The following CNTN4 variants were observed in gnomAD, a reference collection of about 807,000 sequenced individuals.
CNTN4 encodes the protein contactin 4.
In CNTN4, 77 loss-of-function variants were observed where a neutral mutation model predicts 122.5. The ratio of observed to expected loss-of-function variants is 0.63; its 90% CI spans 0.52 to 0.76. The LOEUF (loss-of-function observed/expected upper bound fraction) is 0.76, where lower values mean the gene tolerates loss of function less well. Ranked by LOEUF, CNTN4 falls within the 30% of genes least tolerant of loss-of-function variation. The probability of loss-of-function intolerance (pLI) is 0.00; values close to 1 mark genes in which losing one functional copy is unlikely to be tolerated. For missense variants in CNTN4, 1,256 were observed against 1,259.1 expected (o/e 1.00, Z 0.04); for synonymous variants, 512 against 447.0 (o/e 1.15, Z -1.83).
intron 3 of CNTN4, among the ~76,000 whole-genome samples, chr3:2,356,712 G>A (rs1400427680): frequency 7.9e-5 from 12 of 152,098 alleles, no homozygotes; most frequent in Non-Finnish European, 1.6e-4. Flanking sequence ...ATTTTACCCA[G>A]CCCCTATTCA....
intron 3 of CNTN4, among the ~76,000 whole-genome samples, chr3:2,524,437 C>G (rs1419644159): frequency 6.6e-6 from 1 of 151,924 alleles, no homozygotes; most frequent in African/African-American, 2.4e-5. Flanking sequence ...GAACAGTGAC[C>G]CTATGAATAA....
intron 4 of CNTN4, among the ~76,000 whole-genome samples, chr3:2,582,632 C>T (rs543587181): frequency 8.5e-5 from 13 of 152,266 alleles, no homozygotes; most frequent in African/African-American, 3.1e-4. Flanking sequence ...TATTGGATTC[C>T]ACCCCAAGAG....
intron 2 of CNTN4, among the ~76,000 whole-genome samples, chr3:2,246,977 C>T (rs1413289930): frequency 3.9e-5 from 6 of 152,004 alleles, no homozygotes; most frequent in African/African-American, 9.6e-5. Flanking sequence ...AGTCTTAGGG[C>T]GTGGATGTGA....
chr3:2,933,601 A>G (rs562406262), intron 13 of CNTN4, among the ~76,000 whole-genome samples: 22 of 152,286 alleles, frequency 1.4e-4, no homozygotes, highest in Admixed American at 1.2e-3. Flanking sequence ...TCACGCTAGT[A>G]AAGGCAAGTT....
rs143502305 is a variant in CNTN4 at position 2,235,719 on chromosome 3, A to G, written c.-144-103459A>G. Among the ~76,000 whole-genome samples, 37 of 152,272 alleles carry G rather than the reference A, an allele frequency of 2.4e-4. No homozygotes were observed. In the Middle Eastern group the frequency reaches 0.01, roughly 42 times the overall value. On this transcript the variant is annotated intron_variant, in intron 2 of 24. Transcript: ENST00000418658. ...TAAATTTTGTTAATTTAGAAGTAAC[A>G]AGAGCATCTAGTATTATGCTTATTC...
chr3:2,452,841 C>T (rs930527558), intron 3 of CNTN4, among the ~76,000 whole-genome samples: 1 of 152,008 alleles, frequency 6.6e-6, no homozygotes, highest in South Asian at 2.1e-4. Context: ...ATATCAAAGC[C>T]CAGCTTGTTA....
intron 4 of CNTN4, among the ~76,000 whole-genome samples, chr3:2,722,866 G>A (rs947352337): frequency 1.3e-5 from 2 of 152,172 alleles, no homozygotes; most frequent in Non-Finnish European, 2.9e-5. Flanking sequence ...CTTTAGGACA[G>A]AATATCCCTT....
intron 14 of CNTN4, among the ~76,000 whole-genome samples, chr3:3,001,142 T>C (rs149564151): frequency 6.6e-6 from 1 of 152,286 alleles, no homozygotes; most frequent in African/African-American, 2.4e-5. Flanking sequence ...AAATCAAATG[T>C]CAGCTTTGCT....
intron 6 of CNTN4, among the ~76,000 whole-genome samples, chr3:2,806,152 C>G (rs7635382): frequency 6.6e-6 from 1 of 151,818 alleles, no homozygotes; most frequent in South Asian, 2.1e-4. Context: ...CCGCCTGCCT[C>G]GGCCTCCCAA....
intron 4 of CNTN4, among the ~76,000 whole-genome samples, chr3:2,686,842 C>T (rs1449015967): frequency 6.6e-6 from 1 of 152,136 alleles, no homozygotes; most frequent in Non-Finnish European, 1.5e-5. Context: ...GACATCTGCC[C>T]ACTCTGGGTT....
At chr3:3,023,130 A>C (rs1225511000) in intron 14 of CNTN4, among the ~76,000 whole-genome samples, 2 of 152,182 alleles carry the variant, frequency 1.3e-5, no homozygotes, top group Non-Finnish European at 2.9e-5. Flanking sequence ...AAACATCAAA[A>C]TTCACAACAC....
intron 2 of CNTN4, among the ~76,000 whole-genome samples, chr3:2,176,998 A>G (rs1225288272): frequency 6.6e-6 from 1 of 152,190 alleles, no homozygotes; most frequent in South Asian, 2.1e-4. Context: ...AGAAATATAA[A>G]GGTAAAAAAA....
chr3:2,918,400 C>A (rs904487), intron 12 of CNTN4, among the ~76,000 whole-genome samples: 85,808 of 151,980 alleles, frequency 0.56, 24,264 homozygotes, highest in East Asian at 0.69. Context: ...GTGCTTCTGC[C>A]GAACAAGACC....
At chr3:2,367,783 C>CCCCAAA (rs1158766813) in intron 3 of CNTN4, among the ~76,000 whole-genome samples, 1 of 152,112 alleles carries the variant, frequency 6.6e-6, no homozygotes, top group African/African-American at 2.4e-5. Flanking sequence ...TTGCACCTAG[C>CCCCAAA]ATCTTTTTAA....
intron 2 of CNTN4, among the ~76,000 whole-genome samples, chr3:2,169,926 A>T (rs1041319379): frequency 6.6e-6 from 1 of 152,246 alleles, no homozygotes; most frequent in Non-Finnish European, 1.5e-5. Flanking sequence ...GGGTTCTTCA[A>T]TAAATTTTTA....
intron 2 of CNTN4, among the ~76,000 whole-genome samples, chr3:2,325,489 T>C (rs1268586836): frequency 6.6e-6 from 1 of 152,232 alleles, no homozygotes; most frequent in Non-Finnish European, 1.5e-5. Flanking sequence ...GTTTTTATGG[T>C]CTTACTTGAA....
intron 4 of CNTN4, among the ~76,000 whole-genome samples, chr3:2,658,758 G>T (rs1198965435): frequency 1.3e-5 from 2 of 152,156 alleles, no homozygotes; most frequent in Non-Finnish European, 2.9e-5. Context: ...GAGACTTAGA[G>T]AGGTGGAGTG....
chr3:2,682,263 C>T (rs549407754), intron 4 of CNTN4, among the ~76,000 whole-genome samples: 6 of 152,254 alleles, frequency 3.9e-5, no homozygotes, highest in Admixed American at 3.9e-4. Flanking sequence ...TTGATTTTGC[C>T]CTCAAGGCGG....
chr3:2,268,442 C>A (rs1196824692), intron 2 of CNTN4, among the ~76,000 whole-genome samples: 2 of 151,548 alleles, frequency 1.3e-5, no homozygotes, highest in Admixed American at 1.3e-4. Flanking sequence ...AGATGTTATA[C>A]CCCAGTTACT....
Sources: gnomAD v4.1 joint callset for allele counts (sites outside exome capture counted in the v4.1 genomes callset) on GRCh38, gnomAD v4.1.1 for gene constraint, MANE v1.5 for transcripts, NCBI Gene and HGNC (gene_info 2026-07-23, HGNC 2026-07-21) for gene names.